The following ALOX12B variants were observed in gnomAD, a reference collection of about 807,000 sequenced individuals.
The protein encoded by ALOX12B is arachidonate 12-lipoxygenase, 12R-type.
ALOX12B carries 47 observed loss-of-function variants against 78.9 expected under a neutral mutation model. The observed-to-expected ratio is 0.60, with a 90% CI of 0.47 to 0.76. The LOEUF (loss-of-function observed/expected upper bound fraction) is 0.76. ALOX12B is among the 30% of genes least tolerant of loss of function. The pLI, the probability that ALOX12B is intolerant of heterozygous loss-of-function variation, is 0.00. For synonymous variants in ALOX12B, 370 were observed against 374.5 expected (o/e 0.99, Z 0.14); for missense variants, 805 against 922.6 (o/e 0.87, Z 1.65).
chr17:8,077,034 G>A lies in ALOX12B; in HGVS notation c.1231C>T (p.Leu411=), dbSNP rs754003951. The change falls in exon 9 of 15, where the codon CTG becomes TTG. Residue 411 remains leucine (L), a synonymous_variant. Coordinates refer to ENST00000647874, the MANE Select transcript of ALOX12B (RefSeq NM_001139.3). ...ETHLIAEAFC[L]ALLRNLPMCH... ...ATGGGCAGGTTCCTCAGCAAGGCCA[G>A]GCAGAAGGCCTCAGCAATGAGGTGT... The A allele has an allele frequency of 3.1e-6, 5 of 1,614,010 alleles. No homozygotes were observed. Among genetic ancestry groups the A allele is most frequent in the Middle Eastern group, 1.7e-4 (1 of 6,058 alleles).
chr17:8,074,046 G>C (rs748759395), intron 12 of ALOX12B, among the ~76,000 whole-genome samples: 8 of 152,114 alleles, frequency 5.3e-5, no homozygotes, highest in Non-Finnish European at 1.2e-4. Flanking sequence ...TGGGGATGCC[G>C]CTCCGGTCCC....
Position 8,080,817 on chromosome 17 carries a change from G to A in ALOX12B, c.528-37C>T. On this transcript the variant is annotated intron_variant, in intron 4 of 14. Coordinates refer to ENST00000647874, the MANE Select transcript of ALOX12B (RefSeq NM_001139.3). The surrounding 1 kb of genome is among the most constrained non-coding windows in gnomAD (Gnocchi z 4.8). ...AGCGCAGGGCAACTGGGATCCAGGG[G>A]GCGGGGAGGAGGCAGGCGCCCAGGG... 1 of 1,614,084 alleles carries A rather than the reference G, an allele frequency of 6.2e-7. No homozygotes were observed. The highest frequency in any genetic ancestry group is 1.7e-4 in the Middle Eastern group (1 of 6,060).
At chr17:8,075,205 C>T (rs964092060) in intron 12 of ALOX12B, among the ~76,000 whole-genome samples, 3 of 152,184 alleles carry the variant, frequency 2.0e-5, no homozygotes, top group South Asian at 2.1e-4. Flanking sequence ...GGTGGCGGGA[C>T]CTCAGGGCGC....
At chr17:8,078,496 C>A (rs546246353) in intron 8 of ALOX12B, among the ~76,000 whole-genome samples, 2 of 151,272 alleles carry the variant, frequency 1.3e-5, no homozygotes, top group Admixed American at 1.3e-4. Context: ...GAGGGCCGGG[C>A]GAGGTGGCTC....
In ALOX12B at chr17:8,079,688, G is replaced by A. The variant is rs542959352; in HGVS notation, c.927+81C>T. ...GCGGGCTTGCCTGGGACTGGCGCGG[G>A]CGCCGGAGGTGGGGAGAGACGGGGA... On this transcript the variant is annotated intron_variant, in intron 7 of 14. Transcript: ENST00000647874. This position sits in a 1 kb window ranked among gnomAD's most constrained non-coding sequence, Gnocchi z 6.4. The A allele has an allele frequency of 1.3e-6, 2 of 1,549,782 alleles. No individual in the cohort carries two copies. Among genetic ancestry groups the A allele is most frequent in the South Asian group, 2.4e-5 (2 of 84,688 alleles).
chr17:8,080,811 C>T lies in ALOX12B; in HGVS notation c.528-31G>A, dbSNP rs1977199261. On this transcript the variant is annotated intron_variant, in intron 4 of 14. Coordinates refer to ENST00000647874, the MANE Select transcript of ALOX12B (RefSeq NM_001139.3). This position sits in a 1 kb window ranked among gnomAD's most constrained non-coding sequence, Gnocchi z 4.8. The stretch of plus-strand genomic sequence containing the variant: ...GGGAGAAGCGCAGGGCAACTGGGAT[C>T]CAGGGGGCGGGGAGGAGGCAGGCGC... 1 of 1,613,918 alleles carries T rather than the reference C, an allele frequency of 6.2e-7. No homozygotes were observed. The highest frequency in any genetic ancestry group is 1.1e-5 in the South Asian group (1 of 91,074).
intron 10 of ALOX12B, 24 bp from the exon 11 acceptor site, chr17:8,076,368 G>A (rs765237226): frequency 1.9e-6 from 3 of 1,575,800 alleles, no homozygotes; most frequent in South Asian, 2.3e-5. Context: ...GGCAGATCCT[G>A]GAGCCGGACA....
At chr17:8,075,075 GACTGTGA>G (rs1977053173) in intron 12 of ALOX12B, among the ~76,000 whole-genome samples, 1 of 150,464 alleles carries the variant, frequency 6.6e-6, no homozygotes, top group Non-Finnish European at 1.5e-5. Flanking sequence ...TGCCACCCCA[GACTGTGA>G]ACTCCTTGAA....
In ALOX12B at chr17:8,081,158, C is replaced by T. The variant is rs368425810; in HGVS notation, c.382G>A (p.Val128Ile). 8 of 1,613,792 alleles carry T rather than the reference C, an allele frequency of 5.0e-6. No homozygotes were observed. The highest frequency in any genetic ancestry group is 3.3e-5 in the Admixed American group (2 of 59,992). Residue 128 changes from valine to isoleucine, a missense_variant, in exon 3 of 15, where the codon GTC becomes ATC. Transcript: ENST00000647874. ...TCCTCTTTTCTGTGCTCCAGGAGGA[C>T]GGGGAGCGAGTCATCTGCTGTTGTC... The part of the protein sequence containing the change: ...GKTTADDSLP[V>I]LLEHRKEEIR...
intron 14 of ALOX12B, 29 bp downstream of exon 14, chr17:8,073,119 T>G (rs776410674): frequency 6.2e-7 from 1 of 1,613,824 alleles, no homozygotes; most frequent in South Asian, 1.1e-5. Context: ...CCCCTCCCTG[T>G]GCTCAGAGTC....
In ALOX12B at chr17:8,075,678, T is replaced by TC. The variant is rs771523138; in HGVS notation, c.1570dup (p.Asp524GlyfsTer7). On this transcript the variant is annotated frameshift_variant, in exon 12 of 15. Coordinates refer to ENST00000647874, the MANE Select transcript of ALOX12B (RefSeq NM_001139.3). The stretch of plus-strand genomic sequence containing the variant: ...TTCCGGATCACCCTCCACGGCTGCG[T>TC]CACTCGGGTAATAATAGGTGATGAT... 6.2e-7 allele frequency: 1 copy of TC among 1,614,092 alleles called. No homozygotes were observed. Among genetic ancestry groups the TC allele is most frequent in the South Asian group, 1.1e-5 (1 of 91,076 alleles).
chr17:8,076,578 G>A (rs1977087164), intron 10 of ALOX12B, 79 bp downstream of exon 10: 8 of 1,471,068 alleles, frequency 5.4e-6, no homozygotes, highest in African/African-American at 1.4e-5. Context: ...AAAGGCAAAT[G>A]GGAAGTCCTC....
In ALOX12B at chr17:8,081,176, C is replaced by A; in HGVS notation, c.364G>T (p.Ala122Ser). 6.2e-7 allele frequency: 1 copy of A among 1,614,000 alleles called. No individual in the cohort carries two copies. Among genetic ancestry groups the A allele is most frequent in the Non-Finnish European group, 8.5e-7 (1 of 1,180,018 alleles). Residue 122 changes from alanine (A) to serine (S), a missense_variant, in exon 3 of 15, where the codon GCA becomes TCA. By Grantham distance (99) the Ala-to-Ser change is moderately conservative. Transcript: ENST00000647874. ...ALREATGKTTADDSLPVLLEH... is the reference protein window; with the variant it reads ...ALREATGKTTSDDSLPVLLEH... The stretch of plus-strand genomic sequence containing the variant: ...AGGAGGACGGGGAGCGAGTCATCTG[C>A]TGTTGTCTTTCCTGTAGGGAGACCA...
intron 10 of ALOX12B, 108 bp downstream of exon 10, chr17:8,076,549 T>C (rs1448340263): frequency 5.2e-6 from 7 of 1,348,520 alleles, no homozygotes; most frequent in Non-Finnish European, 7.3e-6. Context: ...CCTCCCTTCA[T>C]GCCCCCTCAT....
chr17:8,073,284 G>A lies in ALOX12B; in HGVS notation c.1790C>T (p.Ala597Val). The change falls in exon 14 of 15, where the codon GCG (alanine) becomes GTG (valine). Residue 597 changes from alanine (A) to valine (V), a missense_variant. Physicochemically the swap from Ala to Val is moderately conservative, Grantham distance 64 (BLOSUM62 0). Coordinates refer to ENST00000647874, the MANE Select transcript of ALOX12B (RefSeq NM_001139.3). ...CTGAATCGGTGGATTCCGCATGGACGCTGGGAAGTTGGGCATCCAGGCGGT... is the reference window on the plus strand; with the variant it reads ...CTGAATCGGTGGATTCCGCATGGACACTGGGAAGTTGGGCATCCAGGCGGT... ...EFTAWMPNFP[A>V]SMRNPPIQTK... 6.2e-7 allele frequency: 1 copy of A among 1,614,174 alleles called. No individual in the cohort carries two copies. Among genetic ancestry groups the A allele is most frequent in the Non-Finnish European group, 8.5e-7 (1 of 1,180,046 alleles).
rs1977065399 is a variant in ALOX12B at position 8,075,700 on chromosome 17, T to A, written c.1549A>T (p.Ile517Phe). The A allele has an allele frequency of 6.8e-6, 11 of 1,614,118 alleles. No individual in the cohort carries two copies. The highest frequency in any genetic ancestry group is 9.3e-6 in the Non-Finnish European group (11 of 1,179,984). Reference sequence around the variant, plus strand: ...GCGTCACTCGGGTAATAATAGGTGATGATCTCCGTCACATACCTGACCAGG... The same window carrying A: ...GCGTCACTCGGGTAATAATAGGTGAAGATCTCCGTCACATACCTGACCAGG... ...NALEKYVTEIITYYYPSDAAV... is the reference protein window; with the variant it reads ...NALEKYVTEIFTYYYPSDAAV... Residue 517 changes from isoleucine (I) to phenylalanine (F), a missense_variant, in exon 12 of 15, where the codon ATC becomes TTC. By Grantham distance (21) the Ile-to-Phe change is conservative (BLOSUM62 0). Coordinates refer to ENST00000647874, the MANE Select transcript of ALOX12B (RefSeq NM_001139.3).
chr17:8,075,513 C>A, intron 12 of ALOX12B, 82 bp downstream of exon 12: 1 of 1,604,622 alleles, frequency 6.2e-7, no homozygotes, highest in Non-Finnish European at 8.5e-7. Flanking sequence ...CTGATCCAGC[C>A]CAGGAGGGCC....
intron 2 of ALOX12B, among the ~76,000 whole-genome samples, chr17:8,085,770 A>T (rs1978294980): frequency 6.6e-6 from 1 of 152,150 alleles, no homozygotes; most frequent in Admixed American, 6.5e-5. Flanking sequence ...CTGCTGCCAG[A>T]TGGGGATGCT....
rs768438282 is a variant in ALOX12B at position 8,079,493 on chromosome 17, G to A, written c.974C>T (p.Pro325Leu). Residue 325 changes from proline (P) to leucine (L), a missense_variant, in exon 8 of 15, where the codon CCC becomes CTC. Transcript: ENST00000647874. This position sits in a 1 kb window ranked among gnomAD's most constrained non-coding sequence, Gnocchi z 6.4. Reference sequence around the variant, plus strand: ...CTTCCGGCCGCTGAGCTCCACGGTGGGGATGCCCTCCATGATGCGGTAGTC... The same window carrying A: ...CTTCCGGCCGCTGAGCTCCACGGTGAGGATGCCCTCCATGATGCGGTAGTC... The part of the protein sequence containing the change: ...LADYRIMEGI[P>L]TVELSGRKQH... 6.4e-7 allele frequency: 1 copy of A among 1,550,898 alleles called. No individual in the cohort carries two copies.
Sources: gnomAD v4.1 joint callset for allele counts (sites outside exome capture counted in the v4.1 genomes callset) on GRCh38, gnomAD v4.1.1 for gene constraint, Gnocchi (gnomAD v3.1) non-coding constraint, MANE v1.5 for transcripts, NCBI Gene and HGNC (gene_info 2026-07-23, HGNC 2026-07-21) for gene names.